The following PRX variants were observed in gnomAD, a reference collection of about 807,000 sequenced individuals.
PRX encodes periaxin.
In PRX, 24 loss-of-function variants were observed where a neutral mutation model predicts 29.6. The observed-to-expected ratio is 0.81, with a 90% CI of 0.59 to 1.14. The LOEUF (loss-of-function observed/expected upper bound fraction) is 1.14, where lower values mean the gene tolerates loss of function less well. Among genes scored for constraint, PRX ranks in the 50% most tolerant of loss-of-function variants. PRX has a pLI of 0.00. For missense variants in PRX, 1,838 were observed against 1,926.4 expected (o/e 0.95, Z 0.86); for synonymous variants, 772 against 831.7 (o/e 0.93, Z 1.24).
At chr19:40,410,029 T>C (rs1234246142) in intron 1 of PRX, among the ~76,000 whole-genome samples, 2 of 152,156 alleles carry the variant, frequency 1.3e-5, no homozygotes, top group Non-Finnish European at 2.9e-5. Context: ...GAGTGATTAG[T>C]ATTTGCTGGC....
At position 40,395,634 on chromosome 19, in the gene PRX, TG is replaced by T; in HGVS notation, c.2717del (p.Pro906HisfsTer15). The T allele has an allele frequency of 6.2e-7, 1 of 1,614,074 alleles. No homozygotes were observed. On this transcript the variant is annotated frameshift_variant, in exon 7 of 7. Transcript: ENST00000324001. LOFTEE classifies it low-confidence loss of function (END_TRUNC). ...CCTCAATTTCCACGGCGGGCAGCTG[TG>T]GGGTGACAATTTCAACAGAGGGCAC... is the stretch of plus-strand genomic sequence containing the variant. ...FRVPSVEIVT[P>X]QLPAVEIEEG...
intron 1 of PRX, among the ~76,000 whole-genome samples, chr19:40,412,652 A>G (rs1314163592): frequency 6.6e-6 from 1 of 152,008 alleles, no homozygotes; most frequent in East Asian, 1.9e-4. Flanking sequence ...AACAGGATCC[A>G]TGCTGCCTCC....
chr19:40,401,587 CCTT>C lies in PRX; in HGVS notation c.184+2116_184+2118del, dbSNP rs527859037. On this transcript the variant is annotated intron_variant, in intron 5 of 6. Coordinates refer to ENST00000324001, the MANE Select transcript of PRX (RefSeq NM_181882.3). ...AAGTGTCCTCCCCTTACCTCTCTGG[CCTT>C]CTCTCTTACTCTCCTCTTCACTAAC... Among the ~76,000 whole-genome samples the C allele has an allele frequency of 2.0e-5, 3 of 152,166 alleles. No individual in the cohort carries two copies. The East Asian group carries it at 5.8e-4, about 29-fold the overall frequency.
At chr19:40,403,964 T>G in intron 4 of PRX, 102 bp from the exon 5 acceptor site, 1 of 1,337,446 alleles carries the variant, frequency 7.5e-7, no homozygotes, top group Non-Finnish European at 1.0e-6. Context: ...TATATGTTTA[T>G]ATATATTTAG....
In PRX at chr19:40,398,943, G is replaced by A. The variant is rs1599658086; in HGVS notation, c.185-127C>T. Reference sequence around the variant, plus strand: ...CAAATTTTAGTTTCTCCAATCCCCAGCGCAGGATTAAGTCGCAGTTACGCT... The same window carrying A: ...CAAATTTTAGTTTCTCCAATCCCCAACGCAGGATTAAGTCGCAGTTACGCT... On this transcript the variant is annotated intron_variant, in intron 5 of 6. Transcript: ENST00000324001. The surrounding 1 kb of genome is among the most constrained non-coding windows in gnomAD (Gnocchi z 6.3). The A allele has an allele frequency of 6.6e-7, 1 of 1,526,062 alleles. No individual in the cohort carries two copies. Among genetic ancestry groups the A allele is most frequent in the Non-Finnish European group, 8.8e-7 (1 of 1,136,102 alleles). 94.5% of individuals were successfully genotyped at this position (1,526,062 alleles called of 1,614,324 possible).
At position 40,398,739 on chromosome 19, in the gene PRX, C is replaced by T. The variant is rs143584496; in HGVS notation, c.262G>A (p.Glu88Lys). 1.2e-5 allele frequency: 20 copies of T among 1,614,082 alleles called. No homozygotes were observed. Among genetic ancestry groups the T allele is most frequent in the Non-Finnish European group, 1.7e-5 (20 of 1,179,966 alleles). Residue 88 changes from glutamate to lysine, a missense_variant, in exon 6 of 7, where the codon GAG becomes AAG. Physicochemically the swap from Glu to Lys is moderately conservative, Grantham distance 56. Coordinates refer to ENST00000324001, the MANE Select transcript of PRX (RefSeq NM_181882.3). This position sits in a 1 kb window ranked among gnomAD's most constrained non-coding sequence, Gnocchi z 6.3. ...EDALRLLQCA[E>K]PYKVSFCLKR... is the part of the protein sequence containing the mutation. ...AGGCAGAAGGAGACTTTGTAAGGCT[C>T]GGCGCATTGCAGCAGGCGTAGTGCG...
rs1372507625 is a variant in PRX, at chr19:40,396,447, TTTCATCTCAGGGAGC to T, written c.1890_1904del (p.Met634_Glu638del). The stretch of plus-strand genomic sequence containing the variant: ...CCTTCGGGAGTTTCACCTCAGGGAG[TTTCATCTCAGGGAGC>T]TTCATCTCTGGGACTTTTGGAAGCT... On this transcript the variant is annotated inframe_deletion, in exon 7 of 7. Coordinates refer to ENST00000324001, the MANE Select transcript of PRX (RefSeq NM_181882.3). 6.2e-7 allele frequency: 1 copy of T among 1,601,144 alleles called. No individual in the cohort carries two copies. The highest frequency in any genetic ancestry group is 8.5e-7 in the Non-Finnish European group (1 of 1,176,592).
Position 40,395,175 on chromosome 19 carries a change from G to C in PRX, c.3177C>G (p.Pro1059=), listed in dbSNP as rs2145727107. 1 of 1,614,086 alleles carries C rather than the reference G, an allele frequency of 6.2e-7. No individual in the cohort carries two copies. The highest frequency in any genetic ancestry group is 8.5e-7 in the Non-Finnish European group (1 of 1,180,020). ...GWGWDGRVKM[P]KLKMPSFGLA... ...GCCCAAAGGAAGGCATCTTCAGCTT[G>C]GGCATCTTCACCCTCCCATCCCAGC... The change falls in exon 7 of 7, where the codon CCC becomes CCG. Residue 1059 remains proline (P), a synonymous_variant. Coordinates refer to ENST00000324001, the MANE Select transcript of PRX (RefSeq NM_181882.3).
intron 1 of PRX, among the ~76,000 whole-genome samples, chr19:40,412,125 C>G (rs141690842): frequency 8.9e-4 from 135 of 152,374 alleles, no homozygotes; most frequent in African/African-American, 3.1e-3. Context: ...TCCCTGGTGA[C>G]TGCCACCAAC....
In PRX at chr19:40,395,114, G is replaced by A. The variant is rs200045096; in HGVS notation, c.3238C>T (p.Arg1080Cys). 121 of 1,613,914 alleles carry A rather than the reference G, an allele frequency of 7.5e-5. No homozygotes were observed. Among genetic ancestry groups the A allele is most frequent in the Non-Finnish European group, 9.6e-5 (113 of 1,180,006 alleles). The change falls in exon 7 of 7, where the codon CGT (arginine) becomes TGT (cysteine). Residue 1080 changes from arginine to cysteine, a missense_variant. By Grantham distance (180) the Arg-to-Cys change is radical. Around this residue, in one of 3 missense-constraint regions of PRX, gnomAD observed 1,143 missense variants for 1,193.0 expected, o/e 0.96. Transcript: ENST00000324001. ...RGKEAEVQGD[R>C]ASPGEKAEST... ...TCAGCCTTTTCCCCCGGGCTGGCAC[G>A]ATCACCTTGAACTTCTGCTTCCTTC...
chr19:40,397,313 G>A lies in PRX; in HGVS notation c.1039C>T (p.Arg347Trp), dbSNP rs539678344. Reference protein sequence around the residue: ...LALPGAEVEARGEAPEVALKM... With the variant: ...LALPGAEVEAWGEAPEVALKM... Reference sequence around the variant, plus strand: ...AGGGCCACCTCAGGTGCCTCTCCCCGGGCCTCCACCTCTGCACCCGGCAAG... The same window carrying A: ...AGGGCCACCTCAGGTGCCTCTCCCCAGGCCTCCACCTCTGCACCCGGCAAG... The change falls in exon 7 of 7, where the codon CGG becomes TGG. Residue 347 changes from arginine (R) to tryptophan (W), a missense_variant. Physicochemically the swap from Arg to Trp is moderately radical, Grantham distance 101. Coordinates refer to ENST00000324001, the MANE Select transcript of PRX (RefSeq NM_181882.3). 3 of 1,613,218 alleles carry A rather than the reference G, an allele frequency of 1.9e-6. No homozygotes were observed. Among genetic ancestry groups the A allele is most frequent in the Admixed American group, 3.3e-5 (2 of 60,018 alleles).
In PRX at chr19:40,396,780, T is replaced by A. The variant is rs878911612; in HGVS notation, c.1572A>T (p.Lys524Asn). 1 of 1,607,386 alleles carries A rather than the reference T, an allele frequency of 6.2e-7. No homozygotes were observed. Among genetic ancestry groups the A allele is most frequent in the Middle Eastern group, 1.7e-4 (1 of 6,040 alleles). ...EVRLPEVQLL[K>N]VSEMKLPKVP... is the part of the protein sequence containing the mutation. ...CCTTTGGGAGTTTCATCTCCGACAC[T>A]TTCAGCAGCTGTACCTCTGGAAGCC... The change falls in exon 7 of 7, where the codon AAA (lysine) becomes AAT (asparagine). Residue 524 changes from lysine to asparagine, a missense_variant. By Grantham distance (94) the Lys-to-Asn change is moderately conservative. Coordinates refer to ENST00000324001, the MANE Select transcript of PRX (RefSeq NM_181882.3).
In PRX at chr19:40,397,622, C is replaced by A. The variant is rs771211272; in HGVS notation, c.730G>T (p.Ala244Ser). 7.1e-6 allele frequency: 11 copies of A among 1,541,444 alleles called. No homozygotes were observed. In the South Asian group the frequency reaches 1.1e-4, roughly 15 times the overall value. Reference protein sequence around the residue: ...VELVGPRLPGAEVGVPQVSAP... With the variant: ...VELVGPRLPGSEVGVPQVSAP... ...GAGACCTGGGGGACACCCACCTCCG[C>A]CCCTGGCAGCCGCGGCCCAACCAGC... The change falls in exon 7 of 7, where the codon GCG becomes TCG. Residue 244 changes from alanine (A) to serine (S), a missense_variant. Ala to Ser is a moderately conservative substitution (Grantham distance 99, BLOSUM62 1). Around this residue, in one of 3 missense-constraint regions of PRX, gnomAD observed 666 missense variants for 665.0 expected, o/e 1.00. Transcript: ENST00000324001.
chr19:40,409,630 G>A (rs180762868), intron 1 of PRX, among the ~76,000 whole-genome samples: 2 of 151,630 alleles, frequency 1.3e-5, no homozygotes, highest in Non-Finnish European at 2.9e-5. Flanking sequence ...CCACCACCAC[G>A]CCTGGCTACT....
upstream of PRX, among the ~76,000 whole-genome samples, chr19:40,414,611 C>G (rs1269194124): frequency 6.6e-6 from 1 of 152,076 alleles, no homozygotes; most frequent in Non-Finnish European, 1.5e-5. Context: ...AGAGTTGAAC[C>G]CAGACCTGCC....
At position 40,398,622 on chromosome 19, in the gene PRX, G is replaced by T. The variant is rs886054441; in HGVS notation, c.379C>A (p.Leu127Met). Reference sequence around the variant, plus strand: ...GGGGCCGGGCTAAGCACGCGTACCAGCTTGGCCACCTTGGCCCGCGGGCCC... The same window carrying T: ...GGGGCCGGGCTAAGCACGCGTACCATCTTGGCCACCTTGGCCCGCGGGCCC... Reference protein sequence around the residue: ...IKGPRAKVAKLNIQSLSPVKK... With the variant: ...IKGPRAKVAKMNIQSLSPVKK... Residue 127 changes from leucine to methionine, a missense_variant and splice_region_variant, in exon 6 of 7, where the codon CTG (leucine) becomes ATG (methionine). Leu to Met is a conservative substitution (Grantham distance 15). Coordinates refer to ENST00000324001, the MANE Select transcript of PRX (RefSeq NM_181882.3). This position sits in a 1 kb window ranked among gnomAD's most constrained non-coding sequence, Gnocchi z 6.3. The T allele has an allele frequency of 6.2e-7, 1 of 1,613,370 alleles. No homozygotes were observed. Among genetic ancestry groups the T allele is most frequent in the African/African-American group, 1.3e-5 (1 of 74,864 alleles).
In PRX at chr19:40,393,864, C is replaced by G; in HGVS notation, c.*102G>C. 1 of 1,573,062 alleles carries G rather than the reference C, an allele frequency of 6.4e-7. No individual in the cohort carries two copies. The highest frequency in any genetic ancestry group is 8.6e-7 in the Non-Finnish European group (1 of 1,159,942). ...CTCCCTGCCAGCCCTGGTCAGTCAC[C>G]CACCTCCCGGCCCTCTTAGGGTTAG... On this transcript the variant is annotated 3_prime_UTR_variant, in exon 7 of 7. Coordinates refer to ENST00000324001, the MANE Select transcript of PRX (RefSeq NM_181882.3).
At chr19:40,408,543 A>G (rs2079543055) in intron 1 of PRX, among the ~76,000 whole-genome samples, 160 bp from the exon 2 acceptor site, 1 of 152,132 alleles carries the variant, frequency 6.6e-6, no homozygotes, top group African/African-American at 2.4e-5. Context: ...TGGACAACAC[A>G]CGGTAAAGCC....
rs1414729744 is a variant in PRX at position 40,398,671 on chromosome 19, C to A, written c.330G>T (p.Gly110=). The A allele has an allele frequency of 6.2e-7, 1 of 1,613,974 alleles. No individual in the cohort carries two copies. Among genetic ancestry groups the A allele is most frequent in the Non-Finnish European group, 8.5e-7 (1 of 1,179,938 alleles). The change falls in exon 6 of 7, where the codon GGG becomes GGT. Residue 110 remains glycine (G), a synonymous_variant. Transcript: ENST00000324001. The surrounding 1 kb of genome is among the most constrained non-coding windows in gnomAD (Gnocchi z 6.3). ...VPTGDLALRP[G]TVSGYEIKGP... ...CCTTGATCTCGTAGCCAGACACGGTCCCGGGCCGCAGAGCCAGGTCCCCGG... is the reference window on the plus strand; with the variant it reads ...CCTTGATCTCGTAGCCAGACACGGTACCGGGCCGCAGAGCCAGGTCCCCGG...
Sources: allele counts gnomAD v4.1 joint callset (sites outside exome capture counted in the v4.1 genomes callset), GRCh38; gene constraint gnomAD v4.1.1; regional missense constraint gnomAD v4.1.1; non-coding constraint Gnocchi (gnomAD v3.1); transcripts MANE v1.5; gene names NCBI Gene and HGNC (gene_info 2026-07-23, HGNC 2026-07-21).